The following LPP variants were observed in gnomAD, a reference collection of about 807,000 sequenced individuals.
LPP encodes LIM domain containing preferred translocation partner in lipoma, also known as lipoma-preferred partner.
In LPP, 38 loss-of-function variants were observed where a neutral mutation model predicts 60.4. The ratio of observed to expected loss-of-function variants is 0.63; its 90% CI spans 0.49 to 0.83. LPP has a LOEUF of 0.83. LPP is among the 40% of genes least tolerant of loss of function. The pLI is 0.00. For synonymous variants in LPP, 328 were observed against 290.8 expected (o/e 1.13, Z -1.30); for missense variants, 902 against 783.6 (o/e 1.15, Z -1.80).
chr3:188,289,502 T>C (rs1264020808), intron 2 of LPP, among the ~76,000 whole-genome samples: 2 of 152,216 alleles, frequency 1.3e-5, no homozygotes, highest in African/African-American at 4.8e-5. Context: ...TTAACAATCA[T>C]ATGAAATATG....
At chr3:188,554,773 A>G (rs1165278270) in intron 6 of LPP, among the ~76,000 whole-genome samples, 1 of 152,214 alleles carries the variant, frequency 6.6e-6, no homozygotes, top group Non-Finnish European at 1.5e-5. Context: ...CTAGAACTCC[A>G]ATAAGAATAA....
At position 188,876,379 on chromosome 3, in the gene LPP, A is replaced by G. The variant is rs1003223590; in HGVS notation, c.*1900A>G. ...GTTTTGTGTTAGAACCACCAAAATT[A>G]TAGCTTTTAAGAGCTTCCTTTGACC... On this transcript the variant is annotated 3_prime_UTR_variant, in exon 12 of 12. Coordinates refer to ENST00000617246, the MANE Select transcript of LPP (RefSeq NM_001375462.1). 1.0e-5 allele frequency: 2 copies of G among 192,614 alleles called. No individual in the cohort carries two copies. The highest frequency in any genetic ancestry group is 1.7e-4 in the East Asian group (2 of 12,054). 11.9% of individuals were successfully genotyped at this position (192,614 alleles called of 1,614,324 possible). A position where few individuals can be genotyped will look rare whatever the true frequency, so the allele number is the denominator to read the frequency against.
At chr3:188,578,323 T>G (rs1835247719) in intron 6 of LPP, among the ~76,000 whole-genome samples, 1 of 152,028 alleles carries the variant, frequency 6.6e-6, no homozygotes, top group African/African-American at 2.4e-5. Flanking sequence ...TTGGCCTCCT[T>G]CCTAGCAGCC....
At chr3:188,313,377 C>T (rs540318614) in intron 2 of LPP, among the ~76,000 whole-genome samples, 4 of 151,896 alleles carry the variant, frequency 2.6e-5, no homozygotes, top group African/African-American at 4.8e-5. Context: ...TGGTGGCTCA[C>T]GCCTGTAATC....
chr3:188,304,360 G>T (rs887018335), intron 2 of LPP, among the ~76,000 whole-genome samples: 2 of 152,166 alleles, frequency 1.3e-5, no homozygotes, highest in Non-Finnish European at 2.9e-5. Context: ...AGCCTAAAAG[G>T]TGGGCAGGGA....
intron 5 of LPP, 82 bp from the exon 6 acceptor site, chr3:188,524,583 A>C: frequency 7.0e-7 from 1 of 1,438,550 alleles, no homozygotes; most frequent in Non-Finnish European, 9.3e-7. Flanking sequence ...GGACAAAGCC[A>C]CATTATAACT....
chr3:188,793,897 GA>G (rs1744571661), intron 9 of LPP, among the ~76,000 whole-genome samples: 1 of 151,844 alleles, frequency 6.6e-6, no homozygotes, highest in Non-Finnish European at 1.5e-5. Context: ...GCCTTTGCAG[GA>G]CACAAGTCCT....
chr3:188,828,374 G>A (rs905313768), intron 9 of LPP, among the ~76,000 whole-genome samples: 1 of 151,358 alleles, frequency 6.6e-6, no homozygotes, highest in Admixed American at 6.6e-5. Context: ...GGAGGCCGAG[G>A]TGGGCGGATC....
intron 5 of LPP, among the ~76,000 whole-genome samples, chr3:188,509,486 A>T (rs1264136673): frequency 6.6e-6 from 1 of 152,174 alleles, no homozygotes; most frequent in African/African-American, 2.4e-5. Context: ...GCACTGACAG[A>T]GTTTGCAGTT....
chr3:188,609,884 G>A lies in LPP; in HGVS notation c.1113+40G>A, dbSNP rs187341215. 47 of 1,549,336 alleles carry A rather than the reference G, an allele frequency of 3.0e-5. No individual in the cohort carries two copies. Among genetic ancestry groups the A allele is most frequent in the Non-Finnish European group, 3.7e-5 (43 of 1,149,418 alleles). On this transcript the variant is annotated intron_variant, in intron 7 of 11. Coordinates refer to ENST00000617246, the MANE Select transcript of LPP (RefSeq NM_001375462.1). The surrounding 1 kb of genome is among the most constrained non-coding windows in gnomAD (Gnocchi z 6.9). ...AACATAAGGAGGAGAATACAGGGGT[G>A]CCTATCTTAGTCTGCCTTCCCCAGG... is the stretch of plus-strand genomic sequence containing the variant.
At chr3:188,795,929 T>A (rs1745202661) in intron 9 of LPP, among the ~76,000 whole-genome samples, 1 of 152,212 alleles carries the variant, frequency 6.6e-6, no homozygotes. Flanking sequence ...CTCTTACTCC[T>A]CCTTGTTGAC....
At chr3:188,164,967 G>A (rs1719494108) in intron 1 of LPP, among the ~76,000 whole-genome samples, 1 of 151,950 alleles carries the variant, frequency 6.6e-6, no homozygotes, top group South Asian at 2.1e-4. Context: ...GTATGTAGAA[G>A]TATATGCAAA....
chr3:188,799,418 A>G (rs781350232), intron 9 of LPP, among the ~76,000 whole-genome samples: 7 of 152,186 alleles, frequency 4.6e-5, no homozygotes, highest in Non-Finnish European at 7.3e-5. Flanking sequence ...TTTTGCAAGA[A>G]TTGTTGAAGC....
intron 1 of LPP, chr3:188,179,146 T>C (rs1206388026): frequency 2.4e-6 from 1 of 408,356 alleles, no homozygotes; most frequent in Non-Finnish European, 4.9e-6. Flanking sequence ...GGGGTCTACA[T>C]ATTCCCCCCG....
At chr3:188,581,494 G>A (rs1265348455) in intron 6 of LPP, among the ~76,000 whole-genome samples, 3 of 151,980 alleles carry the variant, frequency 2.0e-5, no homozygotes, top group African/African-American at 4.8e-5. Context: ...AGAGACATTC[G>A]ACTAAATGGT....
chr3:188,270,399 G>A (rs1405293438), intron 2 of LPP, among the ~76,000 whole-genome samples: 1 of 151,892 alleles, frequency 6.6e-6, no homozygotes, highest in Non-Finnish European at 1.5e-5. Context: ...TATTTCTTTG[G>A]GTGAGCAAAA....
At position 188,352,960 on chromosome 3, in the gene LPP, T is replaced by G. The variant is rs1215497775; in HGVS notation, c.-10+11241T>G. ...TTCTTATCAGATTCCGCAGATGGGTTCCTTGAGAAGTGAGTGCTTAAAGGG... is the reference window on the plus strand; with the variant it reads ...TTCTTATCAGATTCCGCAGATGGGTGCCTTGAGAAGTGAGTGCTTAAAGGG... On this transcript the variant is annotated intron_variant, in intron 3 of 11. Transcript: ENST00000617246. The surrounding 1 kb of genome is among the most constrained non-coding windows in gnomAD (Gnocchi z 4.4). 6.6e-6 allele frequency among the ~76,000 whole-genome samples: 1 copy of G among 152,204 alleles called. No homozygotes were observed. Among genetic ancestry groups the G allele is most frequent in the East Asian group, 1.9e-4 (1 of 5,194 alleles).
At chr3:188,583,383 C>T (rs1013201693) in intron 6 of LPP, among the ~76,000 whole-genome samples, 3 of 152,120 alleles carry the variant, frequency 2.0e-5, no homozygotes, top group African/African-American at 4.8e-5. Context: ...TGTTTTTAGC[C>T]TGGAACATTG....
rs1221440666 is a variant in LPP, at chr3:188,318,908, G to A, written c.-66-22755G>A. Among the ~76,000 whole-genome samples, 9 of 150,808 alleles carry A rather than the reference G, an allele frequency of 6.0e-5. No homozygotes were observed. In the South Asian group the frequency reaches 1.5e-3, roughly 25 times the overall value. On this transcript the variant is annotated intron_variant, in intron 2 of 11. Coordinates refer to ENST00000617246, the MANE Select transcript of LPP (RefSeq NM_001375462.1). Reference sequence around the variant, plus strand: ...CAAGTAGCTGGGACTACAGGCGCGCGCCACTACGCCCGGCTAATTTTTTGT... The same window carrying A: ...CAAGTAGCTGGGACTACAGGCGCGCACCACTACGCCCGGCTAATTTTTTGT...
Sources: allele counts gnomAD v4.1 joint callset (sites outside exome capture counted in the v4.1 genomes callset), GRCh38; gene constraint gnomAD v4.1.1; non-coding constraint Gnocchi (gnomAD v3.1); transcripts MANE v1.5; gene names NCBI Gene and HGNC (gene_info 2026-07-23, HGNC 2026-07-21).